The following RAI1 variants were observed in gnomAD, a reference collection of about 807,000 sequenced individuals.
RAI1 encodes retinoic acid induced 1, also known as retinoic acid-induced protein 1.
RAI1 carries 9 observed loss-of-function variants against 123.8 expected under a neutral mutation model. The observed-to-expected ratio is 0.07, with a 90% confidence interval of 0.04 to 0.13. The LOEUF is 0.13. Among genes scored for constraint, RAI1 ranks in the 10% least tolerant of loss-of-function variants. The probability of loss-of-function intolerance (pLI) is 1.00; values close to 1 mark genes in which losing one functional copy is unlikely to be tolerated. For synonymous variants in RAI1, 1,231 were observed against 1,127.3 expected (o/e 1.09, Z -1.84); for missense variants, 2,256 against 2,545.8 (o/e 0.89, Z 2.45).
intron 1 of RAI1, among the ~76,000 whole-genome samples, chr17:17,719,773 A>G (rs1015713306): frequency 1.3e-5 from 2 of 152,178 alleles, no homozygotes; most frequent in East Asian, 1.9e-4. Flanking sequence ...TGCCACCTTC[A>G]AGTTACGTGA....
chr17:17,705,134 C>A (rs1915352908), intron 1 of RAI1, among the ~76,000 whole-genome samples: 1 of 152,202 alleles, frequency 6.6e-6, no homozygotes, highest in South Asian at 2.1e-4. Context: ...GCTAGCACAT[C>A]CTGACTGATT....
chr17:17,780,191 G>C (rs1003243965), intron 2 of RAI1, among the ~76,000 whole-genome samples: 11 of 151,312 alleles, frequency 7.3e-5, no homozygotes, highest in African/African-American at 2.2e-4. Flanking sequence ...TCAGCCTCCC[G>C]AGTAGCTGGA....
intron 1 of RAI1, among the ~76,000 whole-genome samples, chr17:17,702,436 AG>A (rs1015261120): frequency 6.6e-6 from 1 of 152,200 alleles, no homozygotes; most frequent in Non-Finnish European, 1.5e-5. Flanking sequence ...GTATATGGGA[AG>A]GGGGGATAAG....
At position 17,811,302 on chromosome 17, in the gene RAI1, GTTC is replaced by G. The variant is rs747571235; in HGVS notation, c.*1324_*1326del. ...GACTGTAAATGTTAAGACGACTAGT[GTTC>G]TTATTAGTATATTGCTTCACACTGA... On this transcript the variant is annotated 3_prime_UTR_variant, in exon 6 of 6. Transcript: ENST00000353383. 8.9e-5 allele frequency: 26 copies of G among 291,312 alleles called. No homozygotes were observed. The highest frequency in any genetic ancestry group is 7.6e-4 in the Admixed American group (17 of 22,398). The allele number at this position is 291,312 out of a possible 1,614,324, so 18.0% of individuals were successfully genotyped here. A position where few individuals can be genotyped will look rare whatever the true frequency, so the allele number is the denominator to read the frequency against.
At chr17:17,737,625 G>A (rs1916477948) in intron 2 of RAI1, among the ~76,000 whole-genome samples, 1 of 152,126 alleles carries the variant, frequency 6.6e-6, no homozygotes, top group South Asian at 2.1e-4. Context: ...AGCCCCCTCT[G>A]CCAGAAGCCT....
rs142369874 is a variant in RAI1, at chr17:17,773,641, A to G, written c.-16-19292A>G. On this transcript the variant is annotated intron_variant, in intron 2 of 5. Coordinates refer to ENST00000353383, the MANE Select transcript of RAI1 (RefSeq NM_030665.4). ...AAGGGAGGCAGAGAGAAAAAATGCA[A>G]TGTGACAGGGAAGATGGCACCTCTC... Among the ~76,000 whole-genome samples the G allele has an allele frequency of 6.0e-3, 919 of 152,320 alleles. 12 individuals carry two copies. The highest frequency in any genetic ancestry group is 0.02 in the Middle Eastern group (6 of 294).
chr17:17,744,789 CAA>C (rs58984430), intron 2 of RAI1, among the ~76,000 whole-genome samples: 51 of 46,798 alleles, frequency 1.1e-3, no homozygotes, highest in African/African-American at 1.9e-3. Flanking sequence ...GACTCCGTCT[CAA>C]AAAAAAAAAA....
At chr17:17,764,447 C>A (rs1598062468) in intron 2 of RAI1, among the ~76,000 whole-genome samples, 1 of 151,530 alleles carries the variant, frequency 6.6e-6, no homozygotes, top group Non-Finnish European at 1.5e-5. Context: ...AGACATGAAA[C>A]CTTTTCTGTC....
At chr17:17,684,707 T>C (rs991372094) in intron 1 of RAI1, 1 of 120,978 alleles carries the variant, frequency 8.3e-6, no homozygotes, top group Non-Finnish European at 1.6e-5. Flanking sequence ...TATATATATA[T>C]GTATGTATGT....
intron 4 of RAI1, among the ~76,000 whole-genome samples, chr17:17,807,188 G>A (rs1056287187): frequency 4.6e-5 from 7 of 151,486 alleles, no homozygotes; most frequent in African/African-American, 1.2e-4. Context: ...GAGTGAAGGC[G>A]GGGAGGACGG....
At chr17:17,693,581 G>T (rs1445503123) in intron 1 of RAI1, among the ~76,000 whole-genome samples, 1 of 152,248 alleles carries the variant, frequency 6.6e-6, no homozygotes, top group Non-Finnish European at 1.5e-5. Flanking sequence ...GGAGTGATGG[G>T]GTTGCCATGA....
At position 17,700,254 on chromosome 17, in the gene RAI1, T is replaced by A. The variant is rs182128775; in HGVS notation, c.-149+18461T>A. Among the ~76,000 whole-genome samples, 145 of 152,314 alleles carry A rather than the reference T, an allele frequency of 9.5e-4. 1 individual carries two copies. Among genetic ancestry groups the A allele is most frequent in the African/African-American group, 3.4e-3 (140 of 41,596 alleles). On this transcript the variant is annotated intron_variant, in intron 1 of 5. Coordinates refer to ENST00000353383, the MANE Select transcript of RAI1 (RefSeq NM_030665.4). Reference sequence around the variant, plus strand: ...ACCTATTCTTGGGGCCTGGGCCCTGTGAAACCTCTGGCTCTCGGACGCAGC... The same window carrying A: ...ACCTATTCTTGGGGCCTGGGCCCTGAGAAACCTCTGGCTCTCGGACGCAGC...
chr17:17,758,507 A>G (rs4925110), intron 2 of RAI1, among the ~76,000 whole-genome samples: 149,976 of 152,326 alleles, frequency 0.98, 73,842 homozygotes, highest in Middle Eastern at 1. Flanking sequence ...GATGGAGGAC[A>G]GGAAAAGGCT....
At position 17,800,368 on chromosome 17, in the gene RAI1, C is replaced by T. The variant is rs752325081; in HGVS notation, c.5565+1855C>T. Among the ~76,000 whole-genome samples the T allele has an allele frequency of 4.6e-5, 7 of 152,190 alleles. No homozygotes were observed. The highest frequency in any genetic ancestry group is 1.9e-4 in the East Asian group (1 of 5,190). On this transcript the variant is annotated intron_variant, in intron 3 of 5. Coordinates refer to ENST00000353383, the MANE Select transcript of RAI1 (RefSeq NM_030665.4). This position sits in a 1 kb window ranked among gnomAD's most constrained non-coding sequence, Gnocchi z 4.7. ...CCCATTCCTGAAAGCCTTGTCCCCA[C>T]GGCATCCTCGGTCCCGCAGCCTCAC...
intron 2 of RAI1, chr17:17,778,561 C>T (rs1474149497): frequency 5.5e-6 from 2 of 362,752 alleles, no homozygotes; most frequent in African/African-American, 4.3e-5. Flanking sequence ...CTGACCCCGG[C>T]ACCAGAGTCT....
intron 2 of RAI1, among the ~76,000 whole-genome samples, chr17:17,753,288 C>T (rs965307620): frequency 6.6e-6 from 1 of 152,188 alleles, no homozygotes; most frequent in Non-Finnish European, 1.5e-5. Context: ...ACCTGGGAGC[C>T]CCAGCATCTG....
intron 2 of RAI1, among the ~76,000 whole-genome samples, chr17:17,784,299 C>A (rs1030016744): frequency 6.6e-6 from 1 of 152,178 alleles, no homozygotes; most frequent in Non-Finnish European, 1.5e-5. Context: ...GTGTCAAAGG[C>A]AGGGAAGCGA....
At position 17,801,269 on chromosome 17, in the gene RAI1, C is replaced by T. The variant is rs772451393; in HGVS notation, c.5566-2487C>T. Among the ~76,000 whole-genome samples, 9 of 152,104 alleles carry T rather than the reference C, an allele frequency of 5.9e-5. No homozygotes were observed. The highest frequency in any genetic ancestry group is 1.0e-4 in the Non-Finnish European group (7 of 68,008). On this transcript the variant is annotated intron_variant, in intron 3 of 5. Coordinates refer to ENST00000353383, the MANE Select transcript of RAI1 (RefSeq NM_030665.4). The surrounding 1 kb of genome is among the most constrained non-coding windows in gnomAD (Gnocchi z 4.1). ...GGTGAGAGGGACCCATAGCGGGCTCCGGGCATTGTTAGGGGGCTAGGTGGT... is the reference window on the plus strand; with the variant it reads ...GGTGAGAGGGACCCATAGCGGGCTCTGGGCATTGTTAGGGGGCTAGGTGGT...
intron 1 of RAI1, among the ~76,000 whole-genome samples, chr17:17,723,700 C>T (rs1452236373): frequency 6.7e-6 from 1 of 149,212 alleles, no homozygotes; most frequent in Non-Finnish European, 1.5e-5. Context: ...CCTGCCCCCT[C>T]CTCCTCCTCC....
Sources: gnomAD v4.1 joint callset for allele counts (sites outside exome capture counted in the v4.1 genomes callset) on GRCh38, gnomAD v4.1.1 for gene constraint, Gnocchi (gnomAD v3.1) non-coding constraint, MANE v1.5 for transcripts, NCBI Gene and HGNC (gene_info 2026-07-23, HGNC 2026-07-21) for gene names.